The following PYROXD1 variants were observed in gnomAD, a reference collection of about 807,000 sequenced individuals.
PYROXD1 encodes tRNA ligase complex-associated NAD(P)H dehydrogenase PYROXD1.
PYROXD1 carries 42 observed loss-of-function variants against 62.0 expected under a neutral mutation model. The observed-to-expected ratio is 0.68, with a 90% CI of 0.53 to 0.88. The LOEUF is 0.88. PYROXD1 is among the 40% of genes least tolerant of loss of function. The pLI is 0.00. For missense variants in PYROXD1, 493 were observed against 604.8 expected, an observed-to-expected ratio of 0.82 and a Z score of 1.94; for synonymous variants, 170 against 206.4, an observed-to-expected ratio of 0.82 and a Z score of 1.51.
intron 5 of PYROXD1, among the ~76,000 whole-genome samples, chr12:21,452,994 T>C (rs1942528756): frequency 6.6e-6 from 1 of 152,086 alleles, no homozygotes; most frequent in African/African-American, 2.4e-5. Context: ...GTACTATGGG[T>C]AACAGTCATT....
At chr12:21,461,367 TACATAGAG>T (rs1369548238) in intron 8 of PYROXD1, among the ~76,000 whole-genome samples, 3 of 152,188 alleles carry the variant, frequency 2.0e-5, no homozygotes, top group African/African-American at 7.2e-5. Flanking sequence ...CATTACATCT[TACATAGAG>T]CTGAGTGTTT....
intron 7 of PYROXD1, among the ~76,000 whole-genome samples, chr12:21,457,748 T>C (rs1942624488): frequency 6.8e-6 from 1 of 147,568 alleles, no homozygotes; most frequent in African/African-American, 2.5e-5. Context: ...CCAGATCTCA[T>C]GAGAACTCTA....
chr12:21,450,764 T>G (rs1942481964), intron 4 of PYROXD1, among the ~76,000 whole-genome samples: 1 of 152,220 alleles, frequency 6.6e-6, no homozygotes, highest in Admixed American at 6.5e-5. Context: ...GATTATCTTC[T>G]TATAAACAAT....
chr12:21,439,811 T>C (rs1942260598), intron 1 of PYROXD1, among the ~76,000 whole-genome samples: 1 of 152,170 alleles, frequency 6.6e-6, no homozygotes, highest in South Asian at 2.1e-4. Context: ...ATTAACAAGT[T>C]ATACCTCTAA....
In PYROXD1 at chr12:21,446,209, G is replaced by A. The variant is rs191400419; in HGVS notation, c.285+743G>A. On this transcript the variant is annotated intron_variant, in intron 3 of 11. Transcript: ENST00000240651. ...GAGGCTGAGGCAGGCGGATCATGAG[G>A]TCAGGAGATTGAGACCATCCTGGCT... 1.8e-3 allele frequency among the ~76,000 whole-genome samples: 270 copies of A among 152,112 alleles called. 2 individuals are homozygous for A. The highest frequency in any genetic ancestry group is 6.4e-3 in the African/African-American group (264 of 41,502).
chr12:21,458,385 A>G (rs1480064755), intron 7 of PYROXD1, among the ~76,000 whole-genome samples: 1 of 152,136 alleles, frequency 6.6e-6, no homozygotes, highest in Non-Finnish European at 1.5e-5. Flanking sequence ...TCTCCACACC[A>G]CTAAAACTTT....
In PYROXD1 at chr12:21,461,066, G is replaced by GT; in HGVS notation, c.792_793insT (p.Lys265Ter). ...ACCTTGAAACTATGTGTGAAGTAAA[G>GT]AAAATCTACCTTCAGGATGAGTTTA... On this transcript the variant is annotated frameshift_variant, in exon 8 of 12. Coordinates refer to ENST00000240651, the MANE Select transcript of PYROXD1 (RefSeq NM_024854.5). LOFTEE classifies it high-confidence loss of function. 2 of 1,568,568 alleles carry GT rather than the reference G, an allele frequency of 1.3e-6. No individual in the cohort carries two copies. The highest frequency in any genetic ancestry group is 1.7e-6 in the Non-Finnish European group (2 of 1,154,582).
At chr12:21,460,947 A>G (rs1942685699) in intron 7 of PYROXD1, 78 bp from the exon 8 acceptor site, 2 of 872,596 alleles carry the variant, frequency 2.3e-6, no homozygotes, top group African/African-American at 3.5e-5. Context: ...CTACAAGTAT[A>G]CGTTTTTTCT....
chr12:21,445,252 A>T, intron 2 of PYROXD1, 95 bp from the exon 3 acceptor site: 1 of 1,275,422 alleles, frequency 7.8e-7, no homozygotes, highest in African/African-American at 1.5e-5. Context: ...TATAAACACA[A>T]AATAGTGTGT....
At chr12:21,467,739 C>T (rs1286918970) in intron 11 of PYROXD1, 121 bp downstream of exon 11, 1 of 772,870 alleles carries the variant, frequency 1.3e-6, no homozygotes, top group Non-Finnish European at 2.1e-6. Context: ...AAAAAAATGA[C>T]ATTTTTCATT....
chr12:21,452,116 A>T lies in PYROXD1; in HGVS notation c.450A>T (p.Ile150=). The T allele has an allele frequency of 6.3e-7, 1 of 1,586,880 alleles. No homozygotes were observed. Among genetic ancestry groups the T allele is most frequent in the Non-Finnish European group, 8.6e-7 (1 of 1,165,004 alleles). ...FQKQLTKAKR[I]MIIGNGGIAL... is the part of the protein sequence containing the mutation. Reference sequence around the variant, plus strand: ...AACAGCTTACTAAAGCTAAAAGAATAATGATCATAGGGAACGGTGGTATTG... The same window carrying T: ...AACAGCTTACTAAAGCTAAAAGAATTATGATCATAGGGAACGGTGGTATTG... Residue 150 remains isoleucine, a synonymous_variant, in exon 5 of 12, where the codon ATA becomes ATT. Coordinates refer to ENST00000240651, the MANE Select transcript of PYROXD1 (RefSeq NM_024854.5).
intron 3 of PYROXD1, among the ~76,000 whole-genome samples, chr12:21,449,270 T>C (rs371754390): frequency 6.6e-6 from 1 of 152,202 alleles, no homozygotes; most frequent in South Asian, 2.1e-4. Flanking sequence ...TTCCCTGAAG[T>C]TTAATACAAA....
At chr12:21,465,877 C>G (rs917415839) in intron 10 of PYROXD1, among the ~76,000 whole-genome samples, 1 of 152,148 alleles carries the variant, frequency 6.6e-6, no homozygotes, top group South Asian at 2.1e-4. Context: ...TTTCAGCTTT[C>G]TACATATGGC....
At chr12:21,463,947 A>C (rs1942745094) in intron 10 of PYROXD1, among the ~76,000 whole-genome samples, 1 of 152,326 alleles carries the variant, frequency 6.6e-6, no homozygotes, top group East Asian at 1.9e-4. Flanking sequence ...GACATTATTC[A>C]TTCAGATTAT....
chr12:21,451,907 T>A (rs1942506160), intron 4 of PYROXD1, among the ~76,000 whole-genome samples, 174 bp from the exon 5 acceptor site: 1 of 152,122 alleles, frequency 6.6e-6, no homozygotes, highest in Non-Finnish European at 1.5e-5. Flanking sequence ...AAGGGGGACT[T>A]TTGTTATATT....
At chr12:21,460,788 C>T in intron 7 of PYROXD1, 1 of 269,446 alleles carries the variant, frequency 3.7e-6, no homozygotes, top group Non-Finnish European at 7.0e-6. Context: ...AAAAGCATTC[C>T]CTCGATGCTA....
rs372018541 is a variant in PYROXD1, at chr12:21,457,754, C to G, written c.750+1659C>G. On this transcript the variant is annotated intron_variant, in intron 7 of 11. Transcript: ENST00000240651. ...TTTAAACAACCAGATCTCATGAGAA[C>G]TCTAACATGAAAACAGCACTAAGGA... Among the ~76,000 whole-genome samples, 85 of 146,770 alleles carry G rather than the reference C, an allele frequency of 5.8e-4. No individual in the cohort carries two copies. In the South Asian group the frequency reaches 0.018, roughly 31 times the overall value.
In PYROXD1 at chr12:21,457,375, G is replaced by T. The variant is rs181822732; in HGVS notation, c.750+1280G>T. ...AACATTCATCTCCTTGTGCATCTCT[G>T]TCTGAGTTCTTGGGTGACCAAATGC... On this transcript the variant is annotated intron_variant, in intron 7 of 11. Coordinates refer to ENST00000240651, the MANE Select transcript of PYROXD1 (RefSeq NM_024854.5). Among the ~76,000 whole-genome samples, 477 of 151,912 alleles carry T rather than the reference G, an allele frequency of 3.1e-3. 4 individuals are homozygous for T. Among genetic ancestry groups the T allele is most frequent in the African/African-American group, 0.011 (458 of 41,402 alleles).
chr12:21,462,309 A>G (rs959371256), intron 9 of PYROXD1, among the ~76,000 whole-genome samples, 189 bp downstream of exon 9: 15 of 152,222 alleles, frequency 9.9e-5, no homozygotes, highest in African/African-American at 3.6e-4. Flanking sequence ...ACATAGTTAT[A>G]TCCTTGCATA....
Sources: allele counts gnomAD v4.1 joint callset (sites outside exome capture counted in the v4.1 genomes callset), GRCh38; gene constraint gnomAD v4.1.1; transcripts MANE v1.5; gene names NCBI Gene and HGNC (gene_info 2026-07-23, HGNC 2026-07-21).